Variants in GALNT17 observed in about 807,000 individuals in gnomAD.
GALNT17 encodes the protein polypeptide N-acetylgalactosaminyltransferase 17.
A neutral mutation model predicts 63.7 loss-of-function variants in GALNT17; 29 were observed. That is an observed-to-expected ratio of 0.46 (90% CI 0.34 to 0.62). GALNT17 has a LOEUF of 0.62. GALNT17 is among the 20% of genes least tolerant of loss of function. GALNT17 has a pLI of 0.01. For missense variants in GALNT17, 603 were observed against 799.6 expected, an observed-to-expected ratio of 0.75 and a Z score of 2.97; for synonymous variants, 305 against 318.3, an observed-to-expected ratio of 0.96 and a Z score of 0.45.
chr7:71,150,499 T>TTTTTCG (rs1253189048), intron 1 of GALNT17, among the ~76,000 whole-genome samples: 1 of 151,788 alleles, frequency 6.6e-6, no homozygotes, highest in Non-Finnish European at 1.5e-5. Flanking sequence ...CTCTCTCTTT[T>TTTTTCG]TTTTCGTTTT....
chr7:71,158,395 C>CT (rs1306221146), intron 1 of GALNT17, among the ~76,000 whole-genome samples: 55 of 147,270 alleles, frequency 3.7e-4, no homozygotes, highest in South Asian at 1.3e-3. Context: ...TCTTTTCTTT[C>CT]TTTTTTTTTT....
intron 5 of GALNT17, among the ~76,000 whole-genome samples, chr7:71,437,776 G>A (rs2116508106): frequency 6.6e-6 from 1 of 152,290 alleles, no homozygotes; most frequent in South Asian, 2.1e-4. Flanking sequence ...GTGCAGTGGT[G>A]CAATCATAGC....
At chr7:71,437,211 T>A (rs1022520382) in intron 5 of GALNT17, among the ~76,000 whole-genome samples, 2 of 152,140 alleles carry the variant, frequency 1.3e-5, no homozygotes, top group Non-Finnish European at 2.9e-5. Flanking sequence ...TCTGCATCCT[T>A]TTGTATCTGC....
At chr7:71,377,101 T>A (rs28429275) in intron 2 of GALNT17, among the ~76,000 whole-genome samples, 26,518 of 48,378 alleles carry the variant, frequency 0.55, 7,450 homozygotes, top group African/African-American at 0.65. Context: ...AAAAAAAAAA[T>A]AAAAATAAAA....
At chr7:71,262,919 A>G (rs764596788) in intron 1 of GALNT17, among the ~76,000 whole-genome samples, 1 of 151,712 alleles carries the variant, frequency 6.6e-6, no homozygotes, top group Non-Finnish European at 1.5e-5. Context: ...AAGTTCAAGC[A>G]ATCCACCCAC....
In GALNT17 at chr7:71,312,763, T is replaced by A. The variant is rs139733891; in HGVS notation, c.239-22787T>A. On this transcript the variant is annotated intron_variant, in intron 1 of 10. Transcript: ENST00000333538. ...AGCTCATCTCCAATATGTTTACATT[T>A]TGAAGCACAGGGAGTTAGGAATTCA... Among the ~76,000 whole-genome samples, 12 of 152,304 alleles carry A rather than the reference T, an allele frequency of 7.9e-5. No individual in the cohort carries two copies. In the East Asian group the frequency reaches 1.9e-3, roughly 25 times the overall value.
intron 6 of GALNT17, among the ~76,000 whole-genome samples, chr7:71,585,890 G>T (rs1015909915): frequency 7.2e-6 from 1 of 138,256 alleles, no homozygotes; most frequent in South Asian, 2.6e-4. Flanking sequence ...CACACTTCCC[G>T]CCCCAGCAAG....
chr7:71,152,583 CT>C (rs775058031), intron 1 of GALNT17, among the ~76,000 whole-genome samples: 10 of 152,216 alleles, frequency 6.6e-5, no homozygotes, highest in Non-Finnish European at 1.5e-4. Context: ...TCCTGATCCA[CT>C]TTTCTTCTTC....
intron 1 of GALNT17, among the ~76,000 whole-genome samples, chr7:71,224,555 T>C (rs1247053403): frequency 6.6e-6 from 1 of 152,182 alleles, no homozygotes; most frequent in Non-Finnish European, 1.5e-5. Flanking sequence ...GGGCTGATAC[T>C]ACATGTAGGT....
At chr7:71,624,311 G>A (rs969007006) in intron 6 of GALNT17, among the ~76,000 whole-genome samples, 2 of 152,198 alleles carry the variant, frequency 1.3e-5, no homozygotes, top group African/African-American at 4.8e-5. Flanking sequence ...GCCCCCAGGC[G>A]TTCCATGGGC....
chr7:71,377,114 A>AAATAT, intron 2 of GALNT17, among the ~76,000 whole-genome samples: 1,016 of 57,336 alleles, frequency 0.018, 150 homozygotes, highest in African/African-American at 0.022. Context: ...AAATAAAAAA[A>AAATAT]ATATATATAT....
At chr7:71,159,515 T>C (rs1314054889) in intron 1 of GALNT17, among the ~76,000 whole-genome samples, 2 of 151,084 alleles carry the variant, frequency 1.3e-5, no homozygotes, top group Non-Finnish European at 2.9e-5. Flanking sequence ...CTTTTCTCAC[T>C]CACAATGTCA....
intron 6 of GALNT17, among the ~76,000 whole-genome samples, chr7:71,631,648 A>G (rs1260888545): frequency 3.3e-5 from 5 of 152,160 alleles, no homozygotes; most frequent in Non-Finnish European, 7.4e-5. Flanking sequence ...GAGTGGCATC[A>G]GCAAAGGTGA....
intron 6 of GALNT17, among the ~76,000 whole-genome samples, chr7:71,595,338 A>G (rs1789869489): frequency 6.6e-6 from 1 of 151,996 alleles, no homozygotes; most frequent in African/African-American, 2.4e-5. Context: ...GTTGAGGTGG[A>G]AGGATCACTT....
chr7:71,257,437 G>A (rs17142997), intron 1 of GALNT17, among the ~76,000 whole-genome samples: 22,093 of 152,064 alleles, frequency 0.15, 1,871 homozygotes, highest in African/African-American at 0.23. Flanking sequence ...TACTTTCCCA[G>A]CACAGCCAGC....
Position 71,519,284 on chromosome 7 carries a change from G to A in GALNT17, c.963-52001G>A, listed in dbSNP as rs189565779. On this transcript the variant is annotated intron_variant, in intron 5 of 10. Transcript: ENST00000333538. Reference sequence around the variant, plus strand: ...GTCCATTATCTTATGGAAGTCAGCAGCAGTATTCATTAATTCATCCAATCA... The same window carrying A: ...GTCCATTATCTTATGGAAGTCAGCAACAGTATTCATTAATTCATCCAATCA... Among the ~76,000 whole-genome samples the A allele has an allele frequency of 3.0e-4, 45 of 152,286 alleles. No homozygotes were observed. The East Asian group carries it at 8.7e-3, about 29-fold the overall frequency.
intron 2 of GALNT17, among the ~76,000 whole-genome samples, chr7:71,373,089 T>G (rs1017122275): frequency 6.6e-6 from 1 of 152,146 alleles, no homozygotes; most frequent in African/African-American, 2.4e-5. Flanking sequence ...ATAATGAGAT[T>G]ATATTGAGGA....
intron 1 of GALNT17, among the ~76,000 whole-genome samples, chr7:71,187,495 C>T (rs73700625): frequency 0.042 from 6,438 of 151,978 alleles, 428 homozygotes; most frequent in African/African-American, 0.15. Flanking sequence ...TTCGTTTGTT[C>T]GTATCATTGT....
intron 5 of GALNT17, among the ~76,000 whole-genome samples, chr7:71,566,304 G>A (rs746782457): frequency 2.6e-5 from 4 of 152,110 alleles, no homozygotes; most frequent in Admixed American, 1.3e-4. Flanking sequence ...AGAGTTTGTG[G>A]CCTGGGCGCT....
Sources: allele counts gnomAD v4.1 joint callset (sites outside exome capture counted in the v4.1 genomes callset), GRCh38; gene constraint gnomAD v4.1.1; transcripts MANE v1.5; gene names NCBI Gene and HGNC (gene_info 2026-07-23, HGNC 2026-07-21).